PRKN: variants seen among roughly 807,000 people sequenced by gnomAD.
PRKN encodes parkin RBR E3 ubiquitin protein ligase, also known as E3 ubiquitin-protein ligase parkin.
PRKN carries 56 observed loss-of-function variants against 59.5 expected under a neutral mutation model. The ratio of observed to expected loss-of-function variants is 0.94; its 90% confidence interval spans 0.76 to 1.18. The LOEUF (loss-of-function observed/expected upper bound fraction) is 1.18. Among genes scored for constraint, PRKN ranks in the 50% most tolerant of loss-of-function variants. The pLI, the probability that PRKN is intolerant of heterozygous loss-of-function variation, is 0.00. For synonymous variants in PRKN, 250 were observed against 222.1 expected (o/e 1.13, Z -1.12); for missense variants, 657 against 596.4 (o/e 1.10, Z -1.06).
chr6:162,684,233 T>G (rs1283826848), intron 1 of PRKN, among the ~76,000 whole-genome samples: 3 of 152,098 alleles, frequency 2.0e-5, no homozygotes, highest in African/African-American at 4.8e-5. Context: ...TGTTGAAGTA[T>G]GCCAAGATCC....
intron 7 of PRKN, among the ~76,000 whole-genome samples, chr6:161,643,361 G>A (rs544436192): frequency 6.6e-6 from 1 of 152,266 alleles, no homozygotes; most frequent in African/African-American, 2.4e-5. Flanking sequence ...GCATGCTATG[G>A]ACATCACTAG....
intron 7 of PRKN, among the ~76,000 whole-genome samples, chr6:161,718,066 T>C (rs1028931985): frequency 6.6e-6 from 1 of 152,214 alleles, no homozygotes; most frequent in Non-Finnish European, 1.5e-5. Flanking sequence ...GTTTTATAAA[T>C]ATTTTATATT....
At chr6:162,698,859 G>C (rs1352489750) in intron 1 of PRKN, among the ~76,000 whole-genome samples, 2 of 152,124 alleles carry the variant, frequency 1.3e-5, no homozygotes, top group Non-Finnish European at 2.9e-5. Flanking sequence ...GAGCCCCAAA[G>C]AACTTCTAAC....
intron 5 of PRKN, among the ~76,000 whole-genome samples, chr6:162,006,857 C>T (rs58957516): frequency 6.6e-6 from 1 of 151,980 alleles, no homozygotes; most frequent in Non-Finnish European, 1.5e-5. Context: ...TGACATACTG[C>T]GCCCAATGAA....
rs954698059 is a variant in PRKN at position 162,337,958 on chromosome 6, A to G, written c.172-75193T>C. Among the ~76,000 whole-genome samples, 4 of 152,298 alleles carry G rather than the reference A, an allele frequency of 2.6e-5. No homozygotes were observed. The South Asian group carries it at 6.2e-4, about 24-fold the overall frequency. ...GTTACATAATACACAATATTTCATTATAACATATTATAAATGCATCTTTAA... is the reference window on the plus strand; with the variant it reads ...GTTACATAATACACAATATTTCATTGTAACATATTATAAATGCATCTTTAA... On this transcript the variant is annotated intron_variant, in intron 2 of 11. Transcript: ENST00000366898.
intron 9 of PRKN, among the ~76,000 whole-genome samples, chr6:161,431,735 C>T (rs1788656679): frequency 6.6e-6 from 1 of 152,010 alleles, no homozygotes; most frequent in South Asian, 2.1e-4. Context: ...GGCTCAGCCT[C>T]CCGAGTAGCT....
At chr6:161,896,679 C>T (rs1177622637) in intron 6 of PRKN, among the ~76,000 whole-genome samples, 1 of 152,166 alleles carries the variant, frequency 6.6e-6, no homozygotes, top group Admixed American at 6.5e-5. Context: ...TTTCACAGGA[C>T]CAAGCTTCGT....
intron 3 of PRKN, among the ~76,000 whole-genome samples, chr6:162,262,205 T>A (rs973836688): frequency 6.6e-6 from 1 of 152,204 alleles, no homozygotes; most frequent in Non-Finnish European, 1.5e-5. Flanking sequence ...GCCATTGGCA[T>A]ATCTGGCTTT....
intron 6 of PRKN, among the ~76,000 whole-genome samples, chr6:161,952,465 A>T (rs546223660): frequency 3.3e-5 from 5 of 152,160 alleles, no homozygotes; most frequent in African/African-American, 1.2e-4. Context: ...CAAAAATACA[A>T]AAAATTAGCT....
At chr6:162,359,116 T>C (rs1785020636) in intron 2 of PRKN, among the ~76,000 whole-genome samples, 1 of 144,948 alleles carries the variant, frequency 6.9e-6, no homozygotes, top group South Asian at 2.1e-4. Flanking sequence ...TTTCTTCACA[T>C]ATCTGTTTAC....
intron 7 of PRKN, among the ~76,000 whole-genome samples, chr6:161,665,113 C>T (rs1469724196): frequency 6.6e-6 from 1 of 152,014 alleles, no homozygotes; most frequent in Non-Finnish European, 1.5e-5. Flanking sequence ...ACTCAAAAGG[C>T]TTTATTTAAA....
At chr6:161,899,464 C>T (rs1164741466) in intron 6 of PRKN, among the ~76,000 whole-genome samples, 1 of 152,066 alleles carries the variant, frequency 6.6e-6, no homozygotes, top group Non-Finnish European at 1.5e-5. Context: ...CAAATATTTA[C>T]CAAAGGCTCA....
chr6:161,445,709 C>T lies in PRKN; in HGVS notation c.1084-58832G>A, dbSNP rs550597261. Among the ~76,000 whole-genome samples, 2 of 152,224 alleles carry T rather than the reference C, an allele frequency of 1.3e-5. No homozygotes were observed. The highest frequency in any genetic ancestry group is 2.9e-5 in the Non-Finnish European group (2 of 68,038). On this transcript the variant is annotated intron_variant, in intron 9 of 11. Transcript: ENST00000366898. This position sits in a 1 kb window ranked among gnomAD's most constrained non-coding sequence, Gnocchi z 7.7. ...TCACAGGGCAGAGTGCATGGTCTCCCTTCACGTGCGGGGCCAGGTGACTGC... is the reference window on the plus strand; with the variant it reads ...TCACAGGGCAGAGTGCATGGTCTCCTTTCACGTGCGGGGCCAGGTGACTGC...
At position 161,545,258 on chromosome 6, in the gene PRKN, A is replaced by G. The variant is rs532934181; in HGVS notation, c.1083+3596T>C. 4.1e-5 allele frequency: 58 copies of G among 1,419,058 alleles called. No individual in the cohort carries two copies. Among genetic ancestry groups the G allele is most frequent in the Non-Finnish European group, 5.3e-5 (58 of 1,085,082 alleles). 87.9% of individuals were successfully genotyped at this position (1,419,058 alleles called of 1,614,324 possible). ...CGGGTGAATTCACAGGCATCTTACA[A>G]TAAATCTGTGAACCACATCCTGATA... On this transcript the variant is annotated intron_variant, in intron 9 of 11. Transcript: ENST00000366898. The surrounding 1 kb of genome is among the most constrained non-coding windows in gnomAD (Gnocchi z 4.1).
chr6:162,672,740 A>G (rs1044546864), intron 1 of PRKN, among the ~76,000 whole-genome samples: 1 of 151,870 alleles, frequency 6.6e-6, no homozygotes, highest in Non-Finnish European at 1.5e-5. Context: ...ATAGATATAC[A>G]GACACACATG....
chr6:162,667,993 T>C (rs932158935), intron 1 of PRKN, among the ~76,000 whole-genome samples: 2 of 152,158 alleles, frequency 1.3e-5, no homozygotes, highest in East Asian at 1.9e-4. Context: ...AGATAACTCA[T>C]AGACAAGAGA....
At chr6:162,557,861 G>A (rs1341748998) in intron 1 of PRKN, among the ~76,000 whole-genome samples, 1 of 152,096 alleles carries the variant, frequency 6.6e-6, no homozygotes, top group African/African-American at 2.4e-5. Flanking sequence ...GGCTTCTTCT[G>A]ACCACCTCAA....
chr6:161,688,046 C>A (rs539669461), intron 7 of PRKN, among the ~76,000 whole-genome samples: 1 of 152,170 alleles, frequency 6.6e-6, no homozygotes, highest in Non-Finnish European at 1.5e-5. Context: ...CTTTCAACCT[C>A]CCCCGCAATT....
Position 161,362,408 on chromosome 6 carries a change from G to C in PRKN, c.1168-2203C>G, listed in dbSNP as rs1212482873. ...CCAGGCCCTAAGGGCACAGGCAGGA[G>C]ACAAAGCCTCCAGCCAGAGCCAGGT... On this transcript the variant is annotated intron_variant, in intron 10 of 11. Coordinates refer to ENST00000366898, the MANE Select transcript of PRKN (RefSeq NM_004562.3). The surrounding 1 kb of genome is among the most constrained non-coding windows in gnomAD (Gnocchi z 5.2). 1.3e-5 allele frequency among the ~76,000 whole-genome samples: 2 copies of C among 152,134 alleles called. No homozygotes were observed. The highest frequency in any genetic ancestry group is 2.9e-5 in the Non-Finnish European group (2 of 68,026).
Sources: gnomAD v4.1 joint callset for allele counts (sites outside exome capture counted in the v4.1 genomes callset) on GRCh38, gnomAD v4.1.1 for gene constraint, Gnocchi (gnomAD v3.1) non-coding constraint, MANE v1.5 for transcripts, NCBI Gene and HGNC (gene_info 2026-07-23, HGNC 2026-07-21) for gene names.